KIAA1549L: variants seen among roughly 807,000 people sequenced by gnomAD.
The protein encoded by KIAA1549L is UPF0606 protein KIAA1549L.
A neutral mutation model predicts 160.7 loss-of-function variants in KIAA1549L; 88 were observed. That is an observed-to-expected ratio of 0.55 (90% CI 0.46 to 0.65). KIAA1549L has a LOEUF of 0.65. Ranked by LOEUF, KIAA1549L falls within the 30% of genes least tolerant of loss-of-function variation. The pLI is 0.00. For missense variants in KIAA1549L, 2,258 were observed against 2,437.5 expected, an observed-to-expected ratio of 0.93 and a Z score of 1.55; for synonymous variants, 950 against 976.7, an observed-to-expected ratio of 0.97 and a Z score of 0.51.
chr11:33,449,582 T>C (rs993764851), intron 1 of KIAA1549L, among the ~76,000 whole-genome samples: 2 of 152,212 alleles, frequency 1.3e-5, no homozygotes, highest in African/African-American at 4.8e-5. Flanking sequence ...ATTAATGCTG[T>C]CAAGCCCTGT....
At chr11:33,583,190 G>GGA (rs1481667225) in intron 10 of KIAA1549L, 148 bp from the exon 11 acceptor site, 1 of 654,776 alleles carries the variant, frequency 1.5e-6, no homozygotes, top group African/African-American at 1.8e-5. Flanking sequence ...ACACAGCTGC[G>GGA]GAGGTGGAGG....
At chr11:33,570,016 T>TTC (rs1855194108) in intron 9 of KIAA1549L, among the ~76,000 whole-genome samples, 1 of 151,002 alleles carries the variant, frequency 6.6e-6, no homozygotes, top group Non-Finnish European at 1.5e-5. Flanking sequence ...CTTTTTTTTT[T>TTC]TTTTTGAGAC....
In KIAA1549L at chr11:33,658,765, C is replaced by T. The variant is rs769314647; in HGVS notation, c.5874C>T (p.Ile1958=). The change falls in exon 19 of 21, where the codon ATC becomes ATT. Residue 1958 remains isoleucine (I), a synonymous_variant. Coordinates refer to ENST00000658780, the MANE Select transcript of KIAA1549L (RefSeq NM_012194.3). ...VASLRRSTSD[I]GSKTRMAEST... ...CCCCATCTAGATCCACCTCAGACATCGGCAGCAAGACCAGAATGGCCGAGT... is the reference window on the plus strand; with the variant it reads ...CCCCATCTAGATCCACCTCAGACATTGGCAGCAAGACCAGAATGGCCGAGT... 25 of 1,572,976 alleles carry T rather than the reference C, an allele frequency of 1.6e-5. No individual in the cohort carries two copies. The highest frequency in any genetic ancestry group is 3.4e-4 in the Middle Eastern group (2 of 5,950).
At chr11:33,660,840 C>G (rs771931118) in intron 19 of KIAA1549L, 23 bp from the exon 20 acceptor site, 23 of 1,612,160 alleles carry the variant, frequency 1.4e-5, no homozygotes, top group Non-Finnish European at 2.0e-5. Context: ...CTTAACCTCC[C>G]TCCTCCATTT....
chr11:33,406,123 T>C (rs1156540136), intron 1 of KIAA1549L, among the ~76,000 whole-genome samples: 1 of 152,178 alleles, frequency 6.6e-6, no homozygotes, highest in Non-Finnish European at 1.5e-5. Flanking sequence ...GAGCCTCCCT[T>C]TTTTACTCTA....
intron 8 of KIAA1549L, among the ~76,000 whole-genome samples, chr11:33,562,678 C>CTTT (rs35756207): frequency 3.7e-5 from 5 of 134,032 alleles, no homozygotes; most frequent in Non-Finnish European, 3.2e-5. Context: ...TTCATTTCCT[C>CTTT]TTTTTTTTTT....
chr11:33,488,474 T>G (rs1445258426), intron 1 of KIAA1549L, among the ~76,000 whole-genome samples: 1 of 152,228 alleles, frequency 6.6e-6, no homozygotes, highest in Non-Finnish European at 1.5e-5. Context: ...CTAATTCTTG[T>G]GTCTTGTTTA....
intron 15 of KIAA1549L, among the ~76,000 whole-genome samples, chr11:33,615,451 T>C (rs1049981013): frequency 6.6e-6 from 1 of 152,174 alleles, no homozygotes; most frequent in African/African-American, 2.4e-5. Flanking sequence ...AAAAAGTATA[T>C]AGCAAAATAT....
At chr11:33,605,279 A>G (rs12277742) in intron 13 of KIAA1549L, among the ~76,000 whole-genome samples, 49,653 of 151,298 alleles carry the variant, frequency 0.33, 9,318 homozygotes, top group African/African-American at 0.53. Context: ...CATCCTGGGT[A>G]TGAATATCAG....
intron 1 of KIAA1549L, among the ~76,000 whole-genome samples, chr11:33,455,773 C>T (rs184878193): frequency 2.0e-4 from 30 of 152,272 alleles, no homozygotes; most frequent in Admixed American, 2.0e-4. Flanking sequence ...TGGTTAATTC[C>T]ATGCTAAATA....
intron 1 of KIAA1549L, among the ~76,000 whole-genome samples, chr11:33,399,228 C>T (rs1850449349): frequency 6.6e-6 from 1 of 152,144 alleles, no homozygotes; most frequent in Admixed American, 6.5e-5. Flanking sequence ...GCCAGGATTA[C>T]AGGTGTGAGT....
At chr11:33,438,637 G>A (rs891868362) in intron 1 of KIAA1549L, among the ~76,000 whole-genome samples, 3 of 152,222 alleles carry the variant, frequency 2.0e-5, no homozygotes, top group Non-Finnish European at 2.9e-5. Context: ...CATTAAAGAG[G>A]AACCTGTGAC....
intron 9 of KIAA1549L, among the ~76,000 whole-genome samples, chr11:33,572,237 A>C (rs1167540080): frequency 6.6e-6 from 1 of 152,002 alleles, no homozygotes; most frequent in East Asian, 1.9e-4. Flanking sequence ...GGGTTTTGCT[A>C]TGTTAGTCAG....
rs1313383503 is a variant in KIAA1549L at position 33,543,530 on chromosome 11, T to C, written c.1967T>C (p.Val656Ala). The change falls in exon 2 of 21, where the codon GTG becomes GCG. Residue 656 changes from valine (V) to alanine (A), a missense_variant. Coordinates refer to ENST00000658780, the MANE Select transcript of KIAA1549L (RefSeq NM_012194.3). Reference sequence around the variant, plus strand: ...AAGCCAGAGGCTTATGCAGCTGCTGTGGACCATTCTGGGTTGCCAGCTTCA... The same window carrying C: ...AAGCCAGAGGCTTATGCAGCTGCTGCGGACCATTCTGGGTTGCCAGCTTCA... ...STKPEAYAAAVDHSGLPASAS... is the reference protein window; with the variant it reads ...STKPEAYAAAADHSGLPASAS... 3 of 1,614,068 alleles carry C rather than the reference T, an allele frequency of 1.9e-6. No individual in the cohort carries two copies. The highest frequency in any genetic ancestry group is 2.5e-6 in the Non-Finnish European group (3 of 1,179,900).
At chr11:33,498,713 G>C (rs528726533) in intron 1 of KIAA1549L, among the ~76,000 whole-genome samples, 12 of 152,210 alleles carry the variant, frequency 7.9e-5, no homozygotes, top group Non-Finnish European at 1.5e-4. Flanking sequence ...AGATTCAAAG[G>C]GGGTGAAGGA....
chr11:33,407,080 C>CTTTTTTTTTT (rs1491483483), intron 1 of KIAA1549L, among the ~76,000 whole-genome samples: 2 of 79,580 alleles, frequency 2.5e-5, no homozygotes, highest in Non-Finnish European at 4.8e-5. Context: ...TTTCTTTTTT[C>CTTTTTTTTTT]ATTTTTTTTT....
intron 1 of KIAA1549L, among the ~76,000 whole-genome samples, chr11:33,496,566 T>C (rs1262239277): frequency 6.6e-6 from 1 of 152,186 alleles, no homozygotes; most frequent in East Asian, 1.9e-4. Context: ...TGTCAGCATT[T>C]CCACTACCAC....
At chr11:33,608,320 GATT>G (rs1564921823) in intron 14 of KIAA1549L, among the ~76,000 whole-genome samples, 1 of 152,164 alleles carries the variant, frequency 6.6e-6, no homozygotes, top group Non-Finnish European at 1.5e-5. Context: ...TGATGATGAT[GATT>G]ATTATTATTA....
At chr11:33,452,623 T>C (rs1464727486) in intron 1 of KIAA1549L, among the ~76,000 whole-genome samples, 1 of 151,964 alleles carries the variant, frequency 6.6e-6, no homozygotes, top group African/African-American at 2.4e-5. Context: ...AATATGTATG[T>C]ATGTATGTAT....
Sources: allele counts gnomAD v4.1 joint callset (sites outside exome capture counted in the v4.1 genomes callset), GRCh38; gene constraint gnomAD v4.1.1; transcripts MANE v1.5; gene names NCBI Gene and HGNC (gene_info 2026-07-23, HGNC 2026-07-21).